Variants in DRC11L observed in about 807,000 individuals in gnomAD.
DRC11L encodes the protein dynein regulatory complex subunit like-11.
At chr7:151,197,788 C>G in the DRC11L span, 2 of 398,590 alleles carry the variant, frequency 5.0e-6, no homozygotes, top group Non-Finnish European at 8.9e-6. Context: ...CCACCTGCCA[C>G]AAAAAACCAT....
the DRC11L span, among the ~76,000 whole-genome samples, chr7:151,193,741 C>T: frequency 2.6e-5 from 4 of 152,122 alleles, no homozygotes; most frequent in South Asian, 6.2e-4. Flanking sequence ...CTGGGAGGAG[C>T]CTGCTACCCC....
the DRC11L span, among the ~76,000 whole-genome samples, chr7:151,198,405 G>A: frequency 6.6e-6 from 1 of 152,108 alleles, no homozygotes; most frequent in Non-Finnish European, 1.5e-5. Context: ...TAGATGGAGA[G>A]GCGGATAAAA....
chr7:151,200,697 C>T, the DRC11L span, among the ~76,000 whole-genome samples: 217 of 152,228 alleles, frequency 1.4e-3, no homozygotes, highest in Non-Finnish European at 2.5e-3. Flanking sequence ...TCCTTCCCCT[C>T]GCCACCCTGA....
At chr7:151,196,874 C>T in the DRC11L span, 2 of 398,974 alleles carry the variant, frequency 5.0e-6, no homozygotes, top group Non-Finnish European at 8.8e-6. Context: ...CACACCCACA[C>T]TGCCACTTCA....
the DRC11L span, among the ~76,000 whole-genome samples, chr7:151,198,129 GA>G: frequency 6.6e-6 from 1 of 150,918 alleles, no homozygotes; most frequent in East Asian, 2.0e-4. Context: ...TGAACAGATG[GA>G]AGGATAGACA....
At chr7:151,195,428 A>C in the DRC11L span, 2 of 399,168 alleles carry the variant, frequency 5.0e-6, no homozygotes, top group Non-Finnish European at 8.8e-6. Flanking sequence ...GGGTCCTGCT[A>C]CCTGTCTGAG....
chr7:151,202,724 G>T, the DRC11L span, among the ~76,000 whole-genome samples: 1 of 152,188 alleles, frequency 6.6e-6, no homozygotes, highest in Non-Finnish European at 1.5e-5. Flanking sequence ...ATTGTCAAAG[G>T]ATTGTAGTCC....
At chr7:151,191,281 C>G in the DRC11L span, among the ~76,000 whole-genome samples, 1 of 152,104 alleles carries the variant, frequency 6.6e-6, no homozygotes, top group East Asian at 1.9e-4. Context: ...GTGGGCAAGC[C>G]CTCTTCCCTC....
chr7:151,197,118 T>A, the DRC11L span: 1 of 396,836 alleles, frequency 2.5e-6, no homozygotes, highest in South Asian at 1.3e-4. Context: ...CTGGCCCTAA[T>A]CTTACCTGAA....
chr7:151,194,763 A>G, the DRC11L span, among the ~76,000 whole-genome samples: 1 of 152,326 alleles, frequency 6.6e-6, no homozygotes, highest in East Asian at 1.9e-4. Flanking sequence ...GTGCCTGCAA[A>G]CAGGCAGAAT....
At chr7:151,198,786 G>A in the DRC11L span, 3 of 399,016 alleles carry the variant, frequency 7.5e-6, no homozygotes, top group Non-Finnish European at 1.3e-5. Context: ...AGGGTCAGCT[G>A]AGGACACTGA....
chr7:151,193,478 A>C, the DRC11L span: 3 of 399,266 alleles, frequency 7.5e-6, no homozygotes, highest in African/African-American at 6.2e-5. Flanking sequence ...CATGATGTGG[A>C]TATCCGGGGA....
the DRC11L span, chr7:151,192,822 C>CCAATCCAAATCACAGA: frequency 2.5e-6 from 1 of 399,066 alleles, no homozygotes; most frequent in Non-Finnish European, 4.4e-6. Flanking sequence ...CTGTAGGAGT[C>CCAATCCAAATCACAGA]GGGCTACCTG....
chr7:151,193,607 A>G, the DRC11L span: 3 of 398,320 alleles, frequency 7.5e-6, no homozygotes, highest in African/African-American at 6.2e-5. Context: ...GGTGCAGATC[A>G]CAGGGCATAC....
chr7:151,198,210 G>A, the DRC11L span, among the ~76,000 whole-genome samples: 1 of 150,686 alleles, frequency 6.6e-6, no homozygotes, highest in Non-Finnish European at 1.5e-5. Context: ...GGGTAGGTGG[G>A]TGGGTGGATG....
At chr7:151,204,611 G>T in the DRC11L span, 1 of 398,966 alleles carries the variant, frequency 2.5e-6, no homozygotes, top group African/African-American at 2.1e-5. Context: ...GGCCCGCCAC[G>T]CCGTCCAGCA....
chr7:151,204,952 A>T, the DRC11L span: 4 of 398,258 alleles, frequency 1.0e-5, no homozygotes, highest in African/African-American at 8.2e-5. Context: ...GATGTCACTC[A>T]TGGCTCCTAA....
chr7:151,200,576 G>A, the DRC11L span: 9 of 397,674 alleles, frequency 2.3e-5, no homozygotes, highest in African/African-American at 1.8e-4. Context: ...GGGGTGGGGA[G>A]GAGCCCTGGG....
the DRC11L span, chr7:151,204,973 A>G: frequency 1.8e-5 from 7 of 398,004 alleles, 1 homozygote; most frequent in South Asian, 2.8e-4. Context: ...ATGGACTTCA[A>G]TGAGGTAAGG....
Sources: allele counts gnomAD v4.1 joint callset (sites outside exome capture counted in the v4.1 genomes callset), GRCh38; gene constraint gnomAD v4.1.1; transcripts MANE v1.5; gene names NCBI Gene and HGNC (gene_info 2026-07-23, HGNC 2026-07-21).